Variants in RIMBP2 observed in about 807,000 individuals in gnomAD.
The protein encoded by RIMBP2 is RIMS-binding protein 2.
In RIMBP2, 48 loss-of-function variants were observed where a neutral mutation model predicts 118.6. The observed-to-expected ratio is 0.40, with a 90% CI of 0.32 to 0.51. RIMBP2 has a LOEUF of 0.51. Among genes scored for constraint, RIMBP2 ranks in the 20% least tolerant of loss-of-function variants. The probability of loss-of-function intolerance (pLI) is 0.41; values close to 1 mark genes in which losing one functional copy is unlikely to be tolerated. For synonymous variants in RIMBP2, 762 were observed against 742.9 expected (o/e 1.03, Z -0.42); for missense variants, 1,551 against 1,768.3 (o/e 0.88, Z 2.20).
chr12:130,576,510 T>C lies in RIMBP2; in HGVS notation c.-217+51812A>G, dbSNP rs891602906. Reference sequence around the variant, plus strand: ...CCTCCCGCGGGAAGCAGATGGCCCCTGCATGTGCACTTGCTCATACCCAGA... The same window carrying C: ...CCTCCCGCGGGAAGCAGATGGCCCCCGCATGTGCACTTGCTCATACCCAGA... On this transcript the variant is annotated intron_variant, in intron 2 of 22. Coordinates refer to ENST00000690449, the MANE Select transcript of RIMBP2 (RefSeq NM_001393629.1). This position sits in a 1 kb window ranked among gnomAD's most constrained non-coding sequence, Gnocchi z 4.2. Among the ~76,000 whole-genome samples, 28 of 152,148 alleles carry C rather than the reference T, an allele frequency of 1.8e-4. No homozygotes were observed. The highest frequency in any genetic ancestry group is 6.8e-4 in the African/African-American group (28 of 41,442).
chr12:130,499,691 C>T (rs1041029288), intron 4 of RIMBP2, among the ~76,000 whole-genome samples: 9 of 152,196 alleles, frequency 5.9e-5, no homozygotes, highest in Non-Finnish European at 1.0e-4. Context: ...TCATCCAGGT[C>T]TCTTTTCAAA....
At chr12:130,480,233 ACACC>A (rs1357133769) in intron 4 of RIMBP2, among the ~76,000 whole-genome samples, 1 of 109,128 alleles carries the variant, frequency 9.2e-6, no homozygotes, top group Admixed American at 1.1e-4. Context: ...ACACACACAC[ACACC>A]TGTGGTAACT....
At chr12:130,449,784 C>T (rs1006081873) in intron 9 of RIMBP2, among the ~76,000 whole-genome samples, 9 of 152,058 alleles carry the variant, frequency 5.9e-5, no homozygotes, top group South Asian at 2.1e-4. Context: ...GAGGGCGAGG[C>T]GGCCAGGCAG....
intron 2 of RIMBP2, among the ~76,000 whole-genome samples, chr12:130,599,458 G>C (rs2059745562): frequency 6.6e-6 from 1 of 152,154 alleles, no homozygotes; most frequent in Non-Finnish European, 1.5e-5. Flanking sequence ...AAAATGATTT[G>C]AAAAACACTT....
At chr12:130,463,109 CCAG>C (rs2080154023) in intron 6 of RIMBP2, among the ~76,000 whole-genome samples, 2 of 152,200 alleles carry the variant, frequency 1.3e-5, no homozygotes, top group South Asian at 4.1e-4. Flanking sequence ...GGAGGAATTG[CCAG>C]CAGCAGCCGC....
chr12:130,428,052 CA>C, intron 15 of RIMBP2, 126 bp downstream of exon 15: 1 of 850,042 alleles, frequency 1.2e-6, no homozygotes. Context: ...GAAGCGAATC[CA>C]AATCCGAGGG....
intron 19 of RIMBP2, 31 bp from the exon 20 acceptor site, chr12:130,407,860 A>G: frequency 1.3e-6 from 2 of 1,584,102 alleles, no homozygotes; most frequent in South Asian, 2.2e-5. Context: ...AAAGAAATCC[A>G]TCATGAGGTT....
chr12:130,624,976 G>A (rs924054259), intron 2 of RIMBP2, among the ~76,000 whole-genome samples: 1 of 152,122 alleles, frequency 6.6e-6, no homozygotes, highest in African/African-American at 2.4e-5. Flanking sequence ...GCCCACGTCG[G>A]CCTCCCAAAG....
intron 1 of RIMBP2, among the ~76,000 whole-genome samples, chr12:130,692,888 GGGTAGGAT>G (rs2065386988): frequency 7.0e-6 from 1 of 143,566 alleles, no homozygotes; most frequent in African/African-American, 3.0e-5. Context: ...GGGTAGGGTA[GGGTAGGAT>G]AGGATAGGGT....
chr12:130,477,686 A>G (rs879572183), intron 5 of RIMBP2, among the ~76,000 whole-genome samples: 1 of 152,230 alleles, frequency 6.6e-6, no homozygotes, highest in Non-Finnish European at 1.5e-5. Flanking sequence ...CTGTTTCCAC[A>G]AGCTCTGCTA....
rs374595284 is a variant in RIMBP2, at chr12:130,450,268, A to G, written c.513T>C (p.Asn171=). 4 of 1,606,794 alleles carry G rather than the reference A, an allele frequency of 2.5e-6. No homozygotes were observed. The African/African-American group carries it at 5.4e-5, about 22-fold the overall frequency. ...GCTTGGAGGTATTGGAATTCCGTTCATTCTCCATCTGTGAAAAAGGCAATG... is the reference window on the plus strand; with the variant it reads ...GCTTGGAGGTATTGGAATTCCGTTCGTTCTCCATCTGTGAAAAAGGCAATG... ...ARCRSESDME[N]ERNSNTSKQR... Residue 171 remains asparagine, a synonymous_variant, in exon 9 of 23, where the codon AAT becomes AAC. Transcript: ENST00000690449. This position sits in a 1 kb window ranked among gnomAD's most constrained non-coding sequence, Gnocchi z 4.8.
intron 2 of RIMBP2, among the ~76,000 whole-genome samples, chr12:130,591,476 G>A (rs771478633): frequency 6.6e-6 from 1 of 152,146 alleles, no homozygotes; most frequent in Non-Finnish European, 1.5e-5. Context: ...CCCACTCACC[G>A]AGTGACTTAG....
intron 2 of RIMBP2, among the ~76,000 whole-genome samples, chr12:130,587,573 G>A (rs1261790232): frequency 6.7e-4 from 58 of 87,160 alleles, no homozygotes; most frequent in South Asian, 1.6e-3. Context: ...GTAAACTATC[G>A]CAAGAACAAA....
rs555105871 is a variant in RIMBP2, at chr12:130,445,236, G to A, written c.615C>T (p.Pro205=). The stretch of plus-strand genomic sequence containing the variant: ...CCGCCGTGAGGGGCAGCTCAGCTTC[G>A]GGGTTCTCGTTCGGTCCATCGAAGG... ...YNPFDGPNEN[P]EAELPLTAGK... Residue 205 remains proline, a synonymous_variant, in exon 10 of 23, where the codon CCC becomes CCT. Coordinates refer to ENST00000690449, the MANE Select transcript of RIMBP2 (RefSeq NM_001393629.1). 3.0e-5 allele frequency: 49 copies of A among 1,613,394 alleles called. No homozygotes were observed. The highest frequency in any genetic ancestry group is 1.1e-4 in the South Asian group (10 of 90,980).
At chr12:130,597,836 G>T (rs966719657) in intron 2 of RIMBP2, among the ~76,000 whole-genome samples, 1 of 152,156 alleles carries the variant, frequency 6.6e-6, no homozygotes, top group South Asian at 2.1e-4. Context: ...ACGAGACAAG[G>T]ATGTCACCCT....
intron 4 of RIMBP2, among the ~76,000 whole-genome samples, chr12:130,487,300 C>G (rs2082572482): frequency 6.6e-6 from 1 of 152,188 alleles, no homozygotes; most frequent in South Asian, 2.1e-4. Flanking sequence ...GGAGGTGGGG[C>G]CTGGTGGGAG....
At chr12:130,704,400 C>T (rs986037162) in intron 1 of RIMBP2, among the ~76,000 whole-genome samples, 2 of 152,188 alleles carry the variant, frequency 1.3e-5, no homozygotes, top group Admixed American at 6.5e-5. Context: ...ATTGGCGAAA[C>T]CCTGTCTCCA....
chr12:130,514,853 T>C (rs2051278074), intron 3 of RIMBP2, among the ~76,000 whole-genome samples: 1 of 151,918 alleles, frequency 6.6e-6, no homozygotes, highest in African/African-American at 2.4e-5. Flanking sequence ...GGGGAAAGCA[T>C]ACTAATTGGA....
At chr12:130,624,855 G>A (rs1305811185) in intron 2 of RIMBP2, among the ~76,000 whole-genome samples, 1 of 152,128 alleles carries the variant, frequency 6.6e-6, no homozygotes, top group Non-Finnish European at 1.5e-5. Flanking sequence ...CTCCCAAGTA[G>A]TTGGGATTAC....
Sources: gnomAD v4.1 joint callset for allele counts (sites outside exome capture counted in the v4.1 genomes callset) on GRCh38, gnomAD v4.1.1 for gene constraint, Gnocchi (gnomAD v3.1) non-coding constraint, MANE v1.5 for transcripts, NCBI Gene and HGNC (gene_info 2026-07-23, HGNC 2026-07-21) for gene names.